The following RIPOR2 variants were observed in gnomAD, a reference collection of about 807,000 sequenced individuals.
RIPOR2 encodes rho family-interacting cell polarization regulator 2.
A neutral mutation model predicts 114.5 loss-of-function variants in RIPOR2; 39 were observed. The ratio of observed to expected loss-of-function variants is 0.34; its 90% CI spans 0.26 to 0.44. The LOEUF is 0.44. RIPOR2 is among the 20% of genes least tolerant of loss of function. The pLI is 1.00. For synonymous variants in RIPOR2, 445 were observed against 484.4 expected, an observed-to-expected ratio of 0.92 and a Z score of 1.07; for missense variants, 1,007 against 1,255.1, an observed-to-expected ratio of 0.80 and a Z score of 2.99.
chr6:25,023,445 G>A, intron 1 of RIPOR2: 4 of 766,154 alleles, frequency 5.2e-6, no homozygotes, highest in South Asian at 2.7e-5. Context: ...ACGGACACCT[G>A]CGCTTTCCCT....
intron 8 of RIPOR2, 134 bp from the exon 9 acceptor site, chr6:24,852,752 T>G (rs1763088823): frequency 1.7e-5 from 10 of 584,518 alleles, no homozygotes; most frequent in Middle Eastern, 2.7e-4. Context: ...TTTGGGGCCA[T>G]TCCTGGGGAA....
chr6:24,850,399 C>T lies in RIPOR2; in HGVS notation c.885+198G>A, dbSNP rs9467332. On this transcript the variant is annotated intron_variant, in intron 10 of 21. Coordinates refer to ENST00000643898, the MANE Select transcript of RIPOR2 (RefSeq NM_001286445.3). ...CGTGAGCCACTACACTACGCCTGGC[C>T]AGAGGTGGATATTTCAAAAGTGTAT... 0.019 allele frequency among the ~76,000 whole-genome samples: 2,862 copies of T among 152,132 alleles called. 94 individuals carry two copies. Among genetic ancestry groups the T allele is most frequent in the African/African-American group, 0.063 (2,619 of 41,516 alleles).
intron 1 of RIPOR2, among the ~76,000 whole-genome samples, chr6:24,922,705 C>T (rs1040513231): frequency 1.3e-5 from 2 of 151,528 alleles, no homozygotes; most frequent in Non-Finnish European, 2.9e-5. Context: ...ACCAAAAATA[C>T]AAAAATTAGC....
intron 1 of RIPOR2, among the ~76,000 whole-genome samples, chr6:25,031,608 T>C (rs1037681110): frequency 6.8e-6 from 1 of 147,340 alleles, no homozygotes; most frequent in Admixed American, 6.8e-5. Context: ...AGTATACAGA[T>C]GTCTGCAATT....
intron 1 of RIPOR2, chr6:24,929,215 G>A (rs1771190146): frequency 2.0e-5 from 3 of 148,650 alleles, no homozygotes; most frequent in South Asian, 2.1e-4. Flanking sequence ...TTTTTTGGAA[G>A]GAATATTCTA....
At chr6:24,904,742 A>C (rs1436193422) in intron 1 of RIPOR2, among the ~76,000 whole-genome samples, 2 of 152,154 alleles carry the variant, frequency 1.3e-5, no homozygotes, top group Non-Finnish European at 2.9e-5. Context: ...TGGTAGTCTC[A>C]TTCTGGAGCC....
At position 24,804,341 on chromosome 6, in the gene RIPOR2, T is replaced by C. The variant is rs1181182537; in HGVS notation, c.*2032A>G. 1.3e-5 allele frequency: 2 copies of C among 151,436 alleles called. No homozygotes were observed. Among genetic ancestry groups the C allele is most frequent in the Non-Finnish European group, 2.9e-5 (2 of 67,974 alleles). The allele number at this position is 151,436 out of a possible 1,614,324, so 9.4% of individuals were successfully genotyped here. A position where few individuals can be genotyped will look rare whatever the true frequency, so the allele number is the denominator to read the frequency against. On this transcript the variant is annotated 3_prime_UTR_variant, in exon 22 of 22. Coordinates refer to ENST00000643898, the MANE Select transcript of RIPOR2 (RefSeq NM_001286445.3). ...CTTACATGACTGAAAGATCAATGAA[T>C]ACAAATGCCACACAACTAAAAGCAC... is the stretch of plus-strand genomic sequence containing the variant.
chr6:24,927,786 A>T (rs668229), intron 1 of RIPOR2, among the ~76,000 whole-genome samples: 2,040 of 152,312 alleles, frequency 0.013, 48 homozygotes, highest in African/African-American at 0.045. Context: ...ATTTGCCTAA[A>T]GCCAAACAAC....
intron 1 of RIPOR2, among the ~76,000 whole-genome samples, chr6:25,033,007 C>G (rs1777064370): frequency 6.6e-6 from 1 of 152,172 alleles, no homozygotes; most frequent in Admixed American, 6.5e-5. Flanking sequence ...AAGTTCAAGA[C>G]CAGCCTGGGC....
intron 4 of RIPOR2, among the ~76,000 whole-genome samples, chr6:24,871,662 G>A (rs1452974306): frequency 6.6e-6 from 1 of 152,190 alleles, no homozygotes; most frequent in Non-Finnish European, 1.5e-5. Flanking sequence ...CTTAAGAAGA[G>A]TTCTTGAGGC....
At chr6:24,829,592 G>A (rs972516178) in intron 17 of RIPOR2, among the ~76,000 whole-genome samples, 5 of 152,160 alleles carry the variant, frequency 3.3e-5, no homozygotes, top group Admixed American at 6.6e-5. Flanking sequence ...ACATCACTGC[G>A]TTCCCCCTGG....
At chr6:25,038,409 A>G (rs1777341441) in intron 1 of RIPOR2, among the ~76,000 whole-genome samples, 1 of 152,268 alleles carries the variant, frequency 6.6e-6, no homozygotes, top group African/African-American at 2.4e-5. Context: ...ATGTAATTAA[A>G]GTCCTTGATC....
chr6:24,945,705 G>T (rs903379312), intron 1 of RIPOR2, among the ~76,000 whole-genome samples: 1 of 152,084 alleles, frequency 6.6e-6, no homozygotes, highest in Non-Finnish European at 1.5e-5. Context: ...AAATTAAGAT[G>T]TTAATTGTAA....
intron 1 of RIPOR2, among the ~76,000 whole-genome samples, chr6:24,911,946 A>G (rs1331644722): frequency 1.3e-5 from 2 of 152,202 alleles, no homozygotes; most frequent in Non-Finnish European, 2.9e-5. Context: ...TTGTGAAAGG[A>G]TCAGTAATAA....
chr6:24,880,655 A>T (rs1298799723), intron 1 of RIPOR2, among the ~76,000 whole-genome samples: 1 of 152,214 alleles, frequency 6.6e-6, no homozygotes, highest in Non-Finnish European at 1.5e-5. Flanking sequence ...TATTTATAAA[A>T]TTGTTTATAT....
rs1465515013 is a variant in RIPOR2, at chr6:24,806,312, C to T, written c.*61G>A. On this transcript the variant is annotated 3_prime_UTR_variant, in exon 22 of 22. Transcript: ENST00000643898. ...TCTAAACAATTTCCAGCCCAAACCA[C>T]AGCACCATCCTGATGAAAAGGGCCA... 3 of 1,193,608 alleles carry T rather than the reference C, an allele frequency of 2.5e-6. No individual in the cohort carries two copies. Among genetic ancestry groups the T allele is most frequent in the Non-Finnish European group, 3.6e-6 (3 of 825,372 alleles). 73.9% of individuals were successfully genotyped at this position (1,193,608 alleles called of 1,614,324 possible).
intron 1 of RIPOR2, among the ~76,000 whole-genome samples, chr6:24,979,326 A>G (rs1581905955): frequency 7.3e-6 from 1 of 136,654 alleles, no homozygotes; most frequent in African/African-American, 2.9e-5. Context: ...TAGCCCTGAC[A>G]TGACATTCCT....
intron 1 of RIPOR2, among the ~76,000 whole-genome samples, chr6:25,013,622 CTT>C (rs1272435513): frequency 1.3e-5 from 2 of 152,164 alleles, no homozygotes; most frequent in African/African-American, 4.8e-5. Context: ...GACAACCAAA[CTT>C]AACGGAAATG....
At chr6:25,040,113 A>G (rs903185617) in intron 1 of RIPOR2, among the ~76,000 whole-genome samples, 2 of 138,716 alleles carry the variant, frequency 1.4e-5, no homozygotes, top group Non-Finnish European at 3.1e-5. Flanking sequence ...TGTGTGATAG[A>G]CTTCTACTTT....
Sources: allele counts gnomAD v4.1 joint callset (sites outside exome capture counted in the v4.1 genomes callset), GRCh38; gene constraint gnomAD v4.1.1; transcripts MANE v1.5; gene names NCBI Gene and HGNC (gene_info 2026-07-23, HGNC 2026-07-21).